The following AHCY variants were observed in gnomAD, a reference collection of about 807,000 sequenced individuals.
AHCY encodes the protein S-adenosyl-L-homocysteine hydrolase.
Under a neutral mutation model 45.4 loss-of-function variants are expected in AHCY, and 24 were observed. The observed-to-expected ratio is 0.53, with a 90% confidence interval of 0.38 to 0.74. The LOEUF (loss-of-function observed/expected upper bound fraction) is 0.74, where lower values mean the gene tolerates loss of function less well. Ranked by LOEUF, AHCY falls within the 30% of genes least tolerant of loss-of-function variation. The pLI is 0.00. For synonymous variants in AHCY, 245 were observed against 235.1 expected, an observed-to-expected ratio of 1.04 and a Z score of -0.39; for missense variants, 449 against 594.1, an observed-to-expected ratio of 0.76 and a Z score of 2.54.
chr20:34,284,533 A>G (rs2036106933), intron 9 of AHCY, among the ~76,000 whole-genome samples: 1 of 152,162 alleles, frequency 6.6e-6, no homozygotes, highest in Non-Finnish European at 1.5e-5. Context: ...ACACATGTCC[A>G]AGTTAACCCA....
intron 1 of AHCY, among the ~76,000 whole-genome samples, chr20:34,310,727 T>G (rs181193940): frequency 1.3e-5 from 2 of 152,346 alleles, no homozygotes; most frequent in Admixed American, 1.3e-4. Context: ...TCTAACAATA[T>G]AGAATGATCT....
intron 1 of AHCY, among the ~76,000 whole-genome samples, chr20:34,309,278 C>G (rs2036925441): frequency 6.6e-6 from 1 of 152,146 alleles, no homozygotes; most frequent in African/African-American, 2.4e-5. Flanking sequence ...CTATTTCTAT[C>G]TATTAGTTTT....
Position 34,301,880 on chromosome 20 carries a change from A to G in AHCY, c.28+1363T>C, listed in dbSNP as rs34906237. The G allele has an allele frequency of 1.6e-5, 16 of 985,368 alleles. No individual in the cohort carries two copies. In the South Asian group the frequency reaches 4.2e-4, roughly 26 times the overall value. 61.0% of individuals were successfully genotyped at this position (985,368 alleles called of 1,614,324 possible). On this transcript the variant is annotated intron_variant, in intron 1 of 9. Coordinates refer to ENST00000217426, the MANE Select transcript of AHCY (RefSeq NM_000687.4). ...CAAGGGCCTCAGTTTCATGCTCTAT[A>G]TAACGGGATTACGTCCACCTCTATG...
At chr20:34,273,142 C>T in the AHCY span, among the ~76,000 whole-genome samples, 1 of 151,902 alleles carries the variant, frequency 6.6e-6, no homozygotes, top group African/African-American at 2.4e-5. Context: ...ACCTTCAGTC[C>T]CTCTCTCCTC....
chr20:34,304,048 AT>A (rs2036864039), upstream of AHCY, among the ~76,000 whole-genome samples: 1 of 152,340 alleles, frequency 6.6e-6, no homozygotes, highest in African/African-American at 2.4e-5. Flanking sequence ...ACCTACTGAC[AT>A]CCCAAACATT....
At chr20:34,289,298 C>T (rs1481483441) in intron 8 of AHCY, among the ~76,000 whole-genome samples, 1 of 152,124 alleles carries the variant, frequency 6.6e-6, no homozygotes, top group Non-Finnish European at 1.5e-5. Flanking sequence ...CTCAGCCTCC[C>T]AAGTAGCTGG....
chr20:34,288,290 C>T (rs1280610616), intron 8 of AHCY, among the ~76,000 whole-genome samples: 2 of 152,188 alleles, frequency 1.3e-5, no homozygotes, highest in Non-Finnish European at 2.9e-5. Flanking sequence ...GGTGTCAGGG[C>T]TTTGGCCAAC....
chr20:34,304,984 G>A (rs368129926), upstream of AHCY, among the ~76,000 whole-genome samples: 3 of 150,616 alleles, frequency 2.0e-5, no homozygotes, highest in East Asian at 2.0e-4. Context: ...CACCGTGCCC[G>A]GCCTCTACTC....
intron 1 of AHCY, chr20:34,302,601 C>T: frequency 2.0e-6 from 2 of 984,980 alleles, no homozygotes; most frequent in South Asian, 4.7e-5. Context: ...TAAACGTTAA[C>T]TATCCCTGTA....
chr20:34,292,295 A>G, intron 4 of AHCY, 63 bp downstream of exon 4: 1 of 1,577,806 alleles, frequency 6.3e-7, no homozygotes, highest in Non-Finnish European at 8.6e-7. Flanking sequence ...TGCGGCCATC[A>G]TGTGGGCAAA....
At chr20:34,299,088 G>A (rs571944482) in intron 1 of AHCY, among the ~76,000 whole-genome samples, 30 of 152,132 alleles carry the variant, frequency 2.0e-4, no homozygotes, top group Non-Finnish European at 2.9e-4. Flanking sequence ...GTGGTCCCCC[G>A]GGCCCAGCTG....
At chr20:34,283,839 T>C (rs1208278196) in intron 9 of AHCY, among the ~76,000 whole-genome samples, 2 of 152,332 alleles carry the variant, frequency 1.3e-5, no homozygotes, top group East Asian at 3.9e-4. Context: ...TGCGTCTTCC[T>C]CAATTGGTAG....
chr20:34,302,188 A>T (rs2036799180), intron 1 of AHCY, among the ~76,000 whole-genome samples: 2 of 152,008 alleles, frequency 1.3e-5, no homozygotes. Context: ...TTTGGTAGAG[A>T]TAGCGTTTCA....
chr20:34,275,548 A>C (rs1041195088), downstream of AHCY, among the ~76,000 whole-genome samples: 34 of 152,176 alleles, frequency 2.2e-4, no homozygotes, highest in African/African-American at 8.0e-4. Context: ...TAGGGAAAGA[A>C]GGTAACTTTC....
At chr20:34,246,615 CCTGA>C in the AHCY span, 1 of 645,098 alleles carries the variant, frequency 1.6e-6, no homozygotes, top group Non-Finnish European at 2.8e-6. Flanking sequence ...TGCCACCATG[CCTGA>C]CTAATTTTTT....
In AHCY at chr20:34,292,380, G is replaced by A. The variant is rs757079296; in HGVS notation, c.423C>T (p.Thr141=). 3.7e-6 allele frequency: 6 copies of A among 1,613,484 alleles called. No homozygotes were observed. Among genetic ancestry groups the A allele is most frequent in the Non-Finnish European group, 4.2e-6 (5 of 1,180,028 alleles). Residue 141 remains threonine (T), a synonymous_variant, in exon 4 of 10, where the codon ACC becomes ACT. Coordinates refer to ENST00000217426, the MANE Select transcript of AHCY (RefSeq NM_000687.4). ...DGGDLTNLIH[T]KYPQLLPGIR... is the part of the protein sequence containing the mutation. ...CACCTGGCAGAAGCTGCGGGTACTT[G>A]GTGTGGATGAGGTTGGTGAGGTCGC...
chr20:34,249,558 C>A, the AHCY span, among the ~76,000 whole-genome samples: 1 of 152,162 alleles, frequency 6.6e-6, no homozygotes, highest in Non-Finnish European at 1.5e-5. Flanking sequence ...TGTAGCTGCA[C>A]CAGGCCTCGT....
intron 2 of AHCY, 137 bp from the exon 3 acceptor site, chr20:34,294,293 G>A (rs2036501482): frequency 2.5e-6 from 2 of 812,050 alleles, no homozygotes; most frequent in East Asian, 2.7e-5. Context: ...AGGATCACAG[G>A]CTGGGGATGC....
At chr20:34,276,934 G>A (rs2035914459), downstream of AHCY, among the ~76,000 whole-genome samples, 1 of 152,032 alleles carries the variant, frequency 6.6e-6, no homozygotes, top group South Asian at 2.1e-4. Flanking sequence ...TCTCAGGGAT[G>A]AGAATCCGGA....
Sources: allele counts gnomAD v4.1 joint callset (sites outside exome capture counted in the v4.1 genomes callset), GRCh38; gene constraint gnomAD v4.1.1; transcripts MANE v1.5; gene names NCBI Gene and HGNC (gene_info 2026-07-23, HGNC 2026-07-21).